Variants in NEO1 observed in about 807,000 individuals in gnomAD.
The protein encoded by NEO1 is neogenin.
Under a neutral mutation model 159.7 loss-of-function variants are expected in NEO1, and 63 were observed. That is an observed-to-expected ratio of 0.39 (90% CI 0.32 to 0.49). NEO1 has a LOEUF of 0.49. NEO1 is among the 20% of genes least tolerant of loss of function. The pLI is 0.85. For synonymous variants in NEO1, 633 were observed against 662.0 expected (o/e 0.96, Z 0.67); for missense variants, 1,615 against 1,831.0 (o/e 0.88, Z 2.15).
chr15:73,158,226 T>A, intron 5 of NEO1, among the ~76,000 whole-genome samples: 1 of 150,090 alleles, frequency 6.7e-6, no homozygotes, highest in African/African-American at 2.4e-5. Flanking sequence ...TTTTTTTTTT[T>A]TTTTTTTACA....
At chr15:73,241,364 C>T (rs1263435286) in intron 8 of NEO1, among the ~76,000 whole-genome samples, 3 of 152,042 alleles carry the variant, frequency 2.0e-5, no homozygotes, top group Admixed American at 6.6e-5. Flanking sequence ...TTTATGGCCC[C>T]GGAGCTAAGA....
intron 27 of NEO1, among the ~76,000 whole-genome samples, chr15:73,299,350 A>T (rs1007967704): frequency 1.3e-5 from 2 of 152,066 alleles, no homozygotes; most frequent in African/African-American, 4.8e-5. Flanking sequence ...TCATGTTAAG[A>T]TAAGTAGCAT....
rs546388330 is a variant in NEO1, at chr15:73,303,995, A to C, written c.*1299A>C. ...CTTCCACACTTCAGAGCCCCTTCAG[A>C]GAAAGCATTAGCAGGAATGAGACAA... is the stretch of plus-strand genomic sequence containing the variant. On this transcript the variant is annotated 3_prime_UTR_variant, in exon 29 of 29. Coordinates refer to ENST00000261908, the MANE Select transcript of NEO1 (RefSeq NM_002499.4). The C allele has an allele frequency of 6.6e-6, 1 of 152,368 alleles. No homozygotes were observed. Among genetic ancestry groups the C allele is most frequent in the South Asian group, 2.1e-4 (1 of 4,822 alleles). The allele number at this position is 152,368 out of a possible 1,614,324, so 9.4% of individuals were successfully genotyped here. A position where few individuals can be genotyped will look rare whatever the true frequency, so the allele number is the denominator to read the frequency against.
chr15:73,184,391 C>T (rs2035799408), intron 7 of NEO1, among the ~76,000 whole-genome samples: 2 of 152,102 alleles, frequency 1.3e-5, no homozygotes, highest in South Asian at 2.1e-4. Context: ...GAGGTATACT[C>T]CTACAGACTA....
At position 73,304,731 on chromosome 15, in the gene NEO1, G is replaced by A. The variant is rs1183051916; in HGVS notation, c.*2035G>A. On this transcript the variant is annotated 3_prime_UTR_variant, in exon 29 of 29. Transcript: ENST00000261908. ...GCCCAAAGAACATGCTCAGTATTTG[G>A]GGCATTTCCTCCCACAAACCCTGAC... 2 of 152,046 alleles carry A rather than the reference G, an allele frequency of 1.3e-5. No individual in the cohort carries two copies. Among genetic ancestry groups the A allele is most frequent in the African/African-American group, 4.8e-5 (2 of 41,392 alleles). The allele number at this position is 152,046 out of a possible 1,614,324, so 9.4% of individuals were successfully genotyped here.
chr15:73,194,393 C>T (rs2036414175), intron 7 of NEO1, among the ~76,000 whole-genome samples: 1 of 152,180 alleles, frequency 6.6e-6, no homozygotes, highest in South Asian at 2.1e-4. Flanking sequence ...ATTTATTTGG[C>T]TCCTGGTTCT....
At chr15:73,100,189 G>C (rs970040918) in intron 1 of NEO1, among the ~76,000 whole-genome samples, 1 of 152,036 alleles carries the variant, frequency 6.6e-6, no homozygotes, top group Non-Finnish European at 1.5e-5. Context: ...ACTCAGGAGC[G>C]CTAAAATATT....
chr15:73,261,028 G>A (rs2623991), intron 15 of NEO1, among the ~76,000 whole-genome samples: 127,536 of 152,050 alleles, frequency 0.84, 55,152 homozygotes, highest in Non-Finnish European at 0.94. Flanking sequence ...TTAACATCCT[G>A]TGATAAGGAA....
chr15:73,179,229 A>G (rs1338954214), intron 7 of NEO1, among the ~76,000 whole-genome samples: 1 of 152,178 alleles, frequency 6.6e-6, no homozygotes, highest in Non-Finnish European at 1.5e-5. Context: ...AGTAAAGAGA[A>G]CTCTAGACAA....
At chr15:73,128,060 A>C (rs1164391452) in intron 4 of NEO1, among the ~76,000 whole-genome samples, 2 of 152,176 alleles carry the variant, frequency 1.3e-5, no homozygotes, top group African/African-American at 2.4e-5. Context: ...GATGGAATAC[A>C]ATCAGATTGT....
intron 1 of NEO1, among the ~76,000 whole-genome samples, chr15:73,093,571 CT>C (rs758201657): frequency 1.2e-3 from 170 of 141,458 alleles, no homozygotes; most frequent in Middle Eastern, 7.2e-3. Flanking sequence ...TGGGAAGTTC[CT>C]TTTTTTTTTT....
chr15:73,209,467 T>G (rs1479660323), intron 7 of NEO1, among the ~76,000 whole-genome samples: 1 of 152,198 alleles, frequency 6.6e-6, no homozygotes, highest in Non-Finnish European at 1.5e-5. Context: ...GAACAGTTGT[T>G]TTATTGGACT....
In NEO1 at chr15:73,062,835, T is replaced by A. The variant is rs557372816; in HGVS notation, c.130+10030T>A. Among the ~76,000 whole-genome samples the A allele has an allele frequency of 9.8e-5, 15 of 152,310 alleles. No individual in the cohort carries two copies. The South Asian group carries it at 3.1e-3, about 32-fold the overall frequency. ...TTGAGTCTGAAATGTCAGCAGAACA[T>A]CCCTGTAAAAGGGTTGCAGAATTAG... On this transcript the variant is annotated intron_variant, in intron 1 of 28. Transcript: ENST00000261908.
intron 1 of NEO1, 104 bp from the exon 2 acceptor site, chr15:73,116,436 A>T (rs1442939240): frequency 2.0e-5 from 19 of 952,452 alleles, no homozygotes; most frequent in Non-Finnish European, 2.4e-5. Context: ...TGTCACATTC[A>T]AAGAACAACA....
chr15:73,188,447 G>T (rs2152001289), intron 7 of NEO1, among the ~76,000 whole-genome samples: 1 of 152,190 alleles, frequency 6.6e-6, no homozygotes, highest in South Asian at 2.1e-4. Context: ...GGGTTCAAAG[G>T]CATGGTTTTT....
chr15:73,244,210 C>T (rs762364700), intron 8 of NEO1, 134 bp from the exon 9 acceptor site: 2 of 956,124 alleles, frequency 2.1e-6, no homozygotes, highest in African/African-American at 1.7e-5. Context: ...CACTGTCCTA[C>T]CCCCAAAAGC....
intron 7 of NEO1, among the ~76,000 whole-genome samples, chr15:73,200,609 A>G (rs572707201): frequency 2.0e-5 from 3 of 151,672 alleles, no homozygotes; most frequent in Admixed American, 2.0e-4. Context: ...AGGGAAGGGA[A>G]AAGGGAAAGG....
intron 5 of NEO1, among the ~76,000 whole-genome samples, chr15:73,168,931 AAAG>A (rs1413696759): frequency 6.6e-6 from 1 of 152,032 alleles, no homozygotes; most frequent in Non-Finnish European, 1.5e-5. Flanking sequence ...GAATTACAGA[AAAG>A]AAGCAGTTTT....
At position 73,090,974 on chromosome 15, in the gene NEO1, C is replaced by T. The variant is rs542164553; in HGVS notation, c.131-25566C>T. On this transcript the variant is annotated intron_variant, in intron 1 of 28. Transcript: ENST00000261908. ...GTTATTGAGGCAGTTACTATTATCC[C>T]AATCTTATAGATGAGTAAACTGAGA... 4.6e-5 allele frequency among the ~76,000 whole-genome samples: 7 copies of T among 152,246 alleles called. No individual in the cohort carries two copies. In the East Asian group the frequency reaches 1.3e-3, roughly 29 times the overall value.
Sources: allele counts gnomAD v4.1 joint callset (sites outside exome capture counted in the v4.1 genomes callset), GRCh38; gene constraint gnomAD v4.1.1; transcripts MANE v1.5; gene names NCBI Gene and HGNC (gene_info 2026-07-23, HGNC 2026-07-21).